ECSIT: variants seen among roughly 807,000 people sequenced by gnomAD.
The protein encoded by ECSIT is ECSIT signaling integrator.
ECSIT carries 29 observed loss-of-function variants against 36.8 expected under a neutral mutation model. The observed-to-expected ratio is 0.79, with a 90% confidence interval of 0.59 to 1.08. The LOEUF is 1.08. Among genes scored for constraint, ECSIT ranks in the 50% least tolerant of loss-of-function variants. ECSIT has a pLI of 0.00. For synonymous variants in ECSIT, 231 were observed against 234.8 expected, an observed-to-expected ratio of 0.98 and a Z score of 0.15; for missense variants, 542 against 581.0, an observed-to-expected ratio of 0.93 and a Z score of 0.69.
intron 1 of ECSIT, among the ~76,000 whole-genome samples, chr19:11,524,606 T>G (rs1599591733): frequency 6.9e-6 from 1 of 145,592 alleles, no homozygotes; most frequent in African/African-American, 2.6e-5. Context: ...GAAGTCAGAG[T>G]GGGAGGATCA....
chr19:11,523,575 C>T, intron 1 of ECSIT: 1 of 1,031,550 alleles, frequency 9.7e-7, no homozygotes, highest in Non-Finnish European at 1.5e-6. Context: ...AAGCGCCAAG[C>T]CCATCTTTGT....
rs370427916 is a variant in ECSIT, at chr19:11,513,794, C to T, written c.514+10G>A. On this transcript the variant is annotated intron_variant, in intron 3 of 7. Transcript: ENST00000270517. ...CCACTCCCCACCCTGCGCCAGCCTCCTGGCCTCACCGTGGTTCTCCATCTG... is the reference window on the plus strand; with the variant it reads ...CCACTCCCCACCCTGCGCCAGCCTCTTGGCCTCACCGTGGTTCTCCATCTG... 1.9e-6 allele frequency: 3 copies of T among 1,613,888 alleles called. No homozygotes were observed. Among genetic ancestry groups the T allele is most frequent in the Non-Finnish European group, 1.7e-6 (2 of 1,180,028 alleles).
intron 4 of ECSIT, among the ~76,000 whole-genome samples, chr19:11,512,446 C>T (rs1465006251): frequency 2.0e-5 from 3 of 152,166 alleles, no homozygotes; most frequent in Non-Finnish European, 4.4e-5. Context: ...CCTCACCAGA[C>T]CTAGATCTGG....
At chr19:11,522,190 T>C in intron 1 of ECSIT, 1 of 510,122 alleles carries the variant, frequency 2.0e-6, no homozygotes, top group African/African-American at 2.0e-5. Context: ...CGCCTGCGGG[T>C]GAAGAACTTC....
At chr19:11,518,125 TAA>T in intron 2 of ECSIT, among the ~76,000 whole-genome samples, 1 of 136,940 alleles carries the variant, frequency 7.3e-6, no homozygotes, top group Admixed American at 7.4e-5. Flanking sequence ...ACCATATACT[TAA>T]AAAAAAAAAA....
rs35324578 is a variant in ECSIT at position 11,519,742 on chromosome 19, C to T, written c.-23-549G>A. The T allele has an allele frequency of 0.22, 33,661 of 154,266 alleles. 4,540 individuals carry two copies. Among genetic ancestry groups the T allele is most frequent in the Middle Eastern group, 0.38 (112 of 298 alleles). The allele number at this position is 154,266 out of a possible 1,614,324, so 9.6% of individuals were successfully genotyped here. ...CAACATTCTGGGAGGCTGAGGCGGG[C>T]GGATCACTCGAAGTTGGGAGTTCGA... On this transcript the variant is annotated intron_variant, in intron 1 of 7. Coordinates refer to ENST00000270517, the MANE Select transcript of ECSIT (RefSeq NM_016581.5). This position sits in a 1 kb window ranked among gnomAD's most constrained non-coding sequence, Gnocchi z 4.4.
chr19:11,515,304 T>C (rs143456798), intron 2 of ECSIT, among the ~76,000 whole-genome samples: 4,112 of 150,878 alleles, frequency 0.027, 159 homozygotes, highest in East Asian at 0.078. Context: ...GGGGTTTCAC[T>C]GTGTTAGTCA....
At chr19:11,520,146 G>A (rs1165886090) in intron 1 of ECSIT, among the ~76,000 whole-genome samples, 2 of 151,856 alleles carry the variant, frequency 1.3e-5, no homozygotes, top group African/African-American at 4.8e-5. Context: ...TTTATGATTG[G>A]TTTCCTTCAC....
At chr19:11,521,703 G>A (rs180780814) in intron 1 of ECSIT, among the ~76,000 whole-genome samples, 2 of 152,236 alleles carry the variant, frequency 1.3e-5, no homozygotes, top group African/African-American at 2.4e-5. Context: ...TTGAACCCAG[G>A]AGGCAGAAGC....
intron 4 of ECSIT, among the ~76,000 whole-genome samples, chr19:11,508,382 G>GTTTTTTTTTTTTTTTTTTTTTTTTTT (rs1418652426): frequency 8.6e-6 from 1 of 115,836 alleles, no homozygotes; most frequent in African/African-American, 5.8e-5. Context: ...ACTTAATTCC[G>GTTTTTTTTTTTTTTTTTTTTTTTTTT]ATTTTTTTTT....
chr19:11,522,847 G>A (rs903821635), intron 1 of ECSIT, among the ~76,000 whole-genome samples: 1 of 152,152 alleles, frequency 6.6e-6, no homozygotes, highest in Non-Finnish European at 1.5e-5. Context: ...GAGGCGGGTG[G>A]ATCACGAGGT....
rs2144991369 is a variant in ECSIT, at chr19:11,519,411, C to T, written c.-23-218G>A. The stretch of plus-strand genomic sequence containing the variant: ...GGGGCGTGATCATAGCTCAATGCAG[C>T]CTCCAACTTCTGGGCCCAAGTGATC... On this transcript the variant is annotated intron_variant, in intron 1 of 7. Coordinates refer to ENST00000270517, the MANE Select transcript of ECSIT (RefSeq NM_016581.5). The surrounding 1 kb of genome is among the most constrained non-coding windows in gnomAD (Gnocchi z 4.4). Among the ~76,000 whole-genome samples, 1 of 152,284 alleles carries T rather than the reference C, an allele frequency of 6.6e-6. No individual in the cohort carries two copies. The highest frequency in any genetic ancestry group is 1.9e-4 in the East Asian group (1 of 5,186).
At chr19:11,523,589 CT>C in intron 1 of ECSIT, 1 of 971,572 alleles carries the variant, frequency 1.0e-6, no homozygotes, top group South Asian at 1.3e-5. Context: ...TCTTTGTGTG[CT>C]TGATCCAACT....
At chr19:11,522,222 C>T (rs372736139) in intron 1 of ECSIT, 22 of 576,484 alleles carry the variant, frequency 3.8e-5, no homozygotes, top group South Asian at 3.0e-4. Flanking sequence ...GCGCTACAAA[C>T]TCCCAGAGCA....
intron 4 of ECSIT, among the ~76,000 whole-genome samples, chr19:11,509,717 G>A (rs1483475109): frequency 2.0e-5 from 3 of 151,488 alleles, no homozygotes; most frequent in African/African-American, 4.8e-5. Flanking sequence ...GTAGTGAGCC[G>A]AGATTGTGCC....
chr19:11,514,193 T>C lies in ECSIT; in HGVS notation c.125A>G (p.His42Arg). Reference protein sequence around the residue: ...QVPRRLPRGLHCSAAAHSSEQ... With the variant: ...QVPRRLPRGLRCSAAAHSSEQ... Reference sequence around the variant, plus strand: ...AGAGCTATGGGCAGCTGCGCTGCAGTGGAGGCCCCGAGGGAGCCGGCGAGG... The same window carrying C: ...AGAGCTATGGGCAGCTGCGCTGCAGCGGAGGCCCCGAGGGAGCCGGCGAGG... Residue 42 changes from histidine (H) to arginine (R), a missense_variant, in exon 3 of 8, where the codon CAC becomes CGC. Transcript: ENST00000270517. 2 of 1,607,448 alleles carry C rather than the reference T, an allele frequency of 1.2e-6. No homozygotes were observed. Among genetic ancestry groups the C allele is most frequent in the Non-Finnish European group, 1.7e-6 (2 of 1,176,048 alleles).
chr19:11,515,312 T>G (rs140581673), intron 2 of ECSIT, among the ~76,000 whole-genome samples: 1 of 150,392 alleles, frequency 6.6e-6, no homozygotes, highest in Non-Finnish European at 1.5e-5. Context: ...ACTGTGTTAG[T>G]CAGGATGGTC....
rs370832331 is a variant in ECSIT, at chr19:11,520,806, C to T, written c.-23-1613G>A. Among the ~76,000 whole-genome samples, 15 of 150,446 alleles carry T rather than the reference C, an allele frequency of 1.0e-4. No homozygotes were observed. The South Asian group carries it at 2.5e-3, about 25-fold the overall frequency. ...GATTATAGTCGTGAGCCACCGCACC[C>T]GGGCTTTTTTTTTTTTGAGATGGAG... On this transcript the variant is annotated intron_variant, in intron 1 of 7. Coordinates refer to ENST00000270517, the MANE Select transcript of ECSIT (RefSeq NM_016581.5).
Position 11,505,944 on chromosome 19 carries a change from GCGCTCC to G in ECSIT, c.*234_*239del. 2.2e-6 allele frequency: 2 copies of G among 895,438 alleles called. No individual in the cohort carries two copies. Among genetic ancestry groups the G allele is most frequent in the Non-Finnish European group, 1.6e-6 (1 of 618,520 alleles). The allele number at this position is 895,438 out of a possible 1,614,324, so 55.5% of individuals were successfully genotyped here. Reference sequence around the variant, plus strand: ...AAACTGCGCATGCGCACAACCAACAGCGCTCCCGCCCCTTTTTATTTGAATTCGGAG... The same window carrying G: ...AAACTGCGCATGCGCACAACCAACAGCGCCCCTTTTTATTTGAATTCGGAG... On this transcript the variant is annotated 3_prime_UTR_variant, in exon 8 of 8. Transcript: ENST00000270517.
Sources: gnomAD v4.1 joint callset for allele counts (sites outside exome capture counted in the v4.1 genomes callset) on GRCh38, gnomAD v4.1.1 for gene constraint, Gnocchi (gnomAD v3.1) non-coding constraint, MANE v1.5 for transcripts, NCBI Gene and HGNC (gene_info 2026-07-23, HGNC 2026-07-21) for gene names.